Variants in CNTNAP2 observed in about 807,000 individuals in gnomAD.
CNTNAP2 encodes the protein contactin associated protein 2, also known as contactin-associated protein-like 2.
Under a neutral mutation model 155.2 loss-of-function variants are expected in CNTNAP2, and 98 were observed. That is an observed-to-expected ratio of 0.63 (90% CI 0.54 to 0.75). The LOEUF (loss-of-function observed/expected upper bound fraction) is 0.75. Among genes scored for constraint, CNTNAP2 ranks in the 30% least tolerant of loss-of-function variants. The probability of loss-of-function intolerance (pLI) is 0.00; values close to 1 mark genes in which losing one functional copy is unlikely to be tolerated. For missense variants in CNTNAP2, 1,727 were observed against 1,688.1 expected (o/e 1.02, Z -0.40); for synonymous variants, 651 against 631.2 (o/e 1.03, Z -0.47).
chr7:146,947,478 T>TAC (rs560863026), intron 3 of CNTNAP2, among the ~76,000 whole-genome samples: 2 of 142,450 alleles, frequency 1.4e-5, no homozygotes, highest in South Asian at 2.2e-4. Flanking sequence ...TGTATATATA[T>TAC]ACTATATATA....
chr7:147,400,440 C>T (rs1796893455), intron 10 of CNTNAP2, among the ~76,000 whole-genome samples: 1 of 152,064 alleles, frequency 6.6e-6, no homozygotes, highest in Admixed American at 6.6e-5. Context: ...TGGTTGTAGC[C>T]AGGACACATG....
At chr7:146,365,332 A>C (rs1795140108) in intron 1 of CNTNAP2, among the ~76,000 whole-genome samples, 1 of 152,160 alleles carries the variant, frequency 6.6e-6, no homozygotes, top group Non-Finnish European at 1.5e-5. Flanking sequence ...CTGTTCCTCA[A>C]AATGGTGGCC....
chr7:147,294,751 C>T (rs567211229), intron 8 of CNTNAP2, among the ~76,000 whole-genome samples: 3 of 152,072 alleles, frequency 2.0e-5, no homozygotes, highest in Admixed American at 1.3e-4. Context: ...CTCCACATCC[C>T]GGGTTCAAGC....
At chr7:146,529,026 A>G (rs76553898) in intron 1 of CNTNAP2, among the ~76,000 whole-genome samples, 10,416 of 152,242 alleles carry the variant, frequency 0.068, 900 homozygotes, top group African/African-American at 0.2. Context: ...AAGGGCTGGG[A>G]CAAAATGCAT....
intron 12 of CNTNAP2, among the ~76,000 whole-genome samples, chr7:147,605,538 G>T (rs561611848): frequency 6.6e-6 from 1 of 152,114 alleles, no homozygotes; most frequent in Non-Finnish European, 1.5e-5. Context: ...TTGTCTTCAA[G>T]CAGCCCTCAG....
chr7:147,767,258 A>G (rs928469477), intron 13 of CNTNAP2, among the ~76,000 whole-genome samples: 5 of 152,028 alleles, frequency 3.3e-5, no homozygotes, highest in African/African-American at 1.2e-4. Context: ...AAACAAACAA[A>G]CAAAACAAAA....
intron 13 of CNTNAP2, among the ~76,000 whole-genome samples, chr7:147,724,168 A>G (rs1385341894): frequency 2.0e-5 from 3 of 152,028 alleles, no homozygotes; most frequent in Admixed American, 2.0e-4. Flanking sequence ...AAAATTTCCC[A>G]AAAGAAGGCC....
At chr7:147,133,867 G>A (rs1244265172) in intron 8 of CNTNAP2, among the ~76,000 whole-genome samples, 1 of 151,968 alleles carries the variant, frequency 6.6e-6, no homozygotes, top group Non-Finnish European at 1.5e-5. Context: ...TGCTTTATTA[G>A]TTTTGCTTTT....
chr7:147,682,676 C>T lies in CNTNAP2; in HGVS notation c.2098+43370C>T, dbSNP rs535081542. Among the ~76,000 whole-genome samples the T allele has an allele frequency of 1.4e-3, 209 of 151,592 alleles. 1 individual carries two copies. Among genetic ancestry groups the T allele is most frequent in the African/African-American group, 4.5e-3 (185 of 41,460 alleles). On this transcript the variant is annotated intron_variant, in intron 13 of 23. Transcript: ENST00000361727. ...CTCACACACATCACACCCAAGCACA[C>T]GTTTCTGGAATATTGCTGATCATCC...
chr7:146,708,638 C>A (rs1353892754), intron 1 of CNTNAP2, among the ~76,000 whole-genome samples: 1 of 114,814 alleles, frequency 8.7e-6, no homozygotes, highest in Non-Finnish European at 1.6e-5. Flanking sequence ...ACTGTGTTGC[C>A]CTGGCTGGAG....
At chr7:147,740,759 G>A (rs1384295246) in intron 13 of CNTNAP2, among the ~76,000 whole-genome samples, 1 of 152,184 alleles carries the variant, frequency 6.6e-6, no homozygotes, top group Non-Finnish European at 1.5e-5. Context: ...TTCCCTAGAA[G>A]CAGATCTAGA....
intron 13 of CNTNAP2, among the ~76,000 whole-genome samples, chr7:147,868,962 C>T (rs1799280017): frequency 6.6e-6 from 1 of 152,196 alleles, no homozygotes; most frequent in South Asian, 2.1e-4. Context: ...TTCAGCTCAC[C>T]CTCCATGGGC....
chr7:147,148,458 C>T (rs960175403), intron 8 of CNTNAP2, among the ~76,000 whole-genome samples: 2 of 151,130 alleles, frequency 1.3e-5, no homozygotes, highest in Admixed American at 6.6e-5. Context: ...GAAAAAGTCA[C>T]GCTTGGATAG....
intron 8 of CNTNAP2, among the ~76,000 whole-genome samples, chr7:147,286,120 C>T (rs1048538677): frequency 1.3e-5 from 2 of 151,942 alleles, no homozygotes; most frequent in Non-Finnish European, 2.9e-5. Context: ...TAGATATATC[C>T]TCAGAAAAAG....
chr7:146,851,041 G>C (rs1187658300), intron 3 of CNTNAP2, among the ~76,000 whole-genome samples: 2 of 152,222 alleles, frequency 1.3e-5, no homozygotes, highest in East Asian at 3.9e-4. Context: ...CTGGAGTGCA[G>C]TTTCCCAATC....
chr7:146,121,696 A>G (rs2693297), intron 1 of CNTNAP2, among the ~76,000 whole-genome samples: 124,326 of 152,174 alleles, frequency 0.82, 51,042 homozygotes, highest in African/African-American at 0.9. Context: ...TTATATTTAT[A>G]TCTGTACCAG....
chr7:148,013,098 G>T (rs1018952677), intron 15 of CNTNAP2: 2 of 152,186 alleles, frequency 1.3e-5, no homozygotes, highest in Admixed American at 6.5e-5. Flanking sequence ...ATGAGGAAAA[G>T]ATGTGGTTCA....
chr7:146,363,827 G>T (rs933284384), intron 1 of CNTNAP2, among the ~76,000 whole-genome samples: 2 of 152,158 alleles, frequency 1.3e-5, no homozygotes, highest in African/African-American at 4.8e-5. Context: ...AAAAACAGCT[G>T]GAGAAGAATA....
chr7:146,947,555 G>GTATATATATATATA (rs1483517317), intron 3 of CNTNAP2, among the ~76,000 whole-genome samples: 1 of 39,416 alleles, frequency 2.5e-5, no homozygotes, highest in African/African-American at 7.1e-5. Context: ...GTGTGTGTGT[G>GTATATATATATATA]TGTATATATA....
Sources: gnomAD v4.1 joint callset for allele counts (sites outside exome capture counted in the v4.1 genomes callset) on GRCh38, gnomAD v4.1.1 for gene constraint, MANE v1.5 for transcripts, NCBI Gene and HGNC (gene_info 2026-07-23, HGNC 2026-07-21) for gene names.